The following SORBS2 variants were observed in gnomAD, a reference collection of about 807,000 sequenced individuals.
The protein encoded by SORBS2 is sorbin and SH3 domain-containing protein 2.
SORBS2 carries 46 observed loss-of-function variants against 97.7 expected under a neutral mutation model. That is an observed-to-expected ratio of 0.47 (90% CI 0.37 to 0.60). The LOEUF is 0.60. Among genes scored for constraint, SORBS2 ranks in the 20% least tolerant of loss-of-function variants. The probability of loss-of-function intolerance (pLI) is 0.00; values close to 1 mark genes in which losing one functional copy is unlikely to be tolerated. For synonymous variants in SORBS2, 476 were observed against 473.4 expected (o/e 1.01, Z -0.07); for missense variants, 1,316 against 1,282.3 (o/e 1.03, Z -0.40).
At chr4:185,893,500 T>A (rs1409289461) in intron 1 of SORBS2, among the ~76,000 whole-genome samples, 1 of 152,204 alleles carries the variant, frequency 6.6e-6, no homozygotes, top group Non-Finnish European at 1.5e-5. Context: ...AAATCTGGAA[T>A]AGATAGCGTA....
chr4:185,813,292 C>T (rs2153668424), intron 1 of SORBS2, among the ~76,000 whole-genome samples: 1 of 152,316 alleles, frequency 6.6e-6, no homozygotes, highest in African/African-American at 2.4e-5. Context: ...ACACTCCTGC[C>T]TTCAGTATTA....
chr4:185,662,177 C>A (rs115665597), exon 5 of SORBS2: 1 of 1,614,002 alleles, frequency 6.2e-7, no homozygotes, highest in Non-Finnish European at 8.5e-7. Flanking sequence ...AGGGGGAAAA[C>A]GGCCTCTGAT....
chr4:185,767,858 T>A (rs1041818275), intron 2 of SORBS2, among the ~76,000 whole-genome samples: 3 of 152,234 alleles, frequency 2.0e-5, no homozygotes, highest in African/African-American at 4.8e-5. Flanking sequence ...GTGAGACTTT[T>A]GTTCTCAATA....
chr4:185,780,039 G>T (rs2099020249), intron 1 of SORBS2, among the ~76,000 whole-genome samples: 1 of 130,590 alleles, frequency 7.7e-6, no homozygotes, highest in Admixed American at 9.7e-5. Context: ...TTTTGAGACG[G>T]AGTTTTGCTC....
At chr4:185,888,513 A>G (rs1040138005) in intron 1 of SORBS2, among the ~76,000 whole-genome samples, 1 of 152,112 alleles carries the variant, frequency 6.6e-6, no homozygotes, top group African/African-American at 2.4e-5. Flanking sequence ...GAATTTCTGG[A>G]CTCCAGAAAT....
At position 185,796,019 on chromosome 4, in the gene SORBS2, A is replaced by T. The variant is rs540519335; in HGVS notation, c.-337-20653T>A. On this transcript the variant is annotated intron_variant, in intron 1 of 20. Coordinates refer to the SORBS2 transcript ENST00000284776. ...CTGTCCTGTCTCAGCTGAGCCATTC[A>T]TCTTTTCTTCCTGGATTACTGTACT... 9.2e-5 allele frequency among the ~76,000 whole-genome samples: 14 copies of T among 152,264 alleles called. No homozygotes were observed. The South Asian group carries it at 2.5e-3, about 27-fold the overall frequency.
chr4:185,816,461 C>T (rs987925081), intron 1 of SORBS2, among the ~76,000 whole-genome samples: 3 of 152,156 alleles, frequency 2.0e-5, no homozygotes, highest in African/African-American at 7.2e-5. Flanking sequence ...TATTCCAAAA[C>T]CTTGCATATT....
chr4:185,644,442 A>C (rs1169625231), intron 4 of SORBS2, among the ~76,000 whole-genome samples: 2 of 152,192 alleles, frequency 1.3e-5, no homozygotes, highest in Non-Finnish European at 2.9e-5. Context: ...TTTATACTGC[A>C]AAATCATCAA....
At chr4:185,707,243 G>T (rs766442159) in intron 2 of SORBS2, among the ~76,000 whole-genome samples, 2 of 152,152 alleles carry the variant, frequency 1.3e-5, no homozygotes, top group Admixed American at 1.3e-4. Context: ...CACAGGGAAG[G>T]TACAAGGTCA....
chr4:185,876,740 A>T (rs2099233904), intron 1 of SORBS2, among the ~76,000 whole-genome samples: 1 of 152,210 alleles, frequency 6.6e-6, no homozygotes, highest in Non-Finnish European at 1.5e-5. Context: ...AGTAGAAAGT[A>T]GAGGTCTATC....
chr4:185,877,730 C>T (rs972097427), intron 1 of SORBS2, among the ~76,000 whole-genome samples: 3 of 151,528 alleles, frequency 2.0e-5, no homozygotes, highest in East Asian at 1.9e-4. Context: ...AATTAACCAG[C>T]GTGGTGGTGG....
At chr4:185,680,118 G>A (rs2153502750) in intron 2 of SORBS2, among the ~76,000 whole-genome samples, 1 of 152,302 alleles carries the variant, frequency 6.6e-6, no homozygotes, top group South Asian at 2.1e-4. Context: ...TTACTTTGAA[G>A]AATTATGCAT....
chr4:185,643,724 T>G (rs1413743264), intron 4 of SORBS2, among the ~76,000 whole-genome samples: 1 of 152,152 alleles, frequency 6.6e-6, no homozygotes, highest in Middle Eastern at 3.4e-3. Context: ...CATGTAGAGA[T>G]TCAAAAGAGC....
At chr4:185,639,018 A>G in intron 4 of SORBS2, 1 of 1,516,688 alleles carries the variant, frequency 6.6e-7, no homozygotes, top group Non-Finnish European at 8.8e-7. Flanking sequence ...CAGGTGTCGG[A>G]GTTGTTGGGA....
At chr4:185,814,761 G>A (rs893394106) in intron 1 of SORBS2, among the ~76,000 whole-genome samples, 18 of 152,266 alleles carry the variant, frequency 1.2e-4, no homozygotes, top group African/African-American at 3.6e-4. Flanking sequence ...TCTTTGCCCC[G>A]TGGCACGTCT....
At chr4:185,792,740 C>T (rs2099086612) in intron 1 of SORBS2, among the ~76,000 whole-genome samples, 1 of 152,002 alleles carries the variant, frequency 6.6e-6, no homozygotes, top group South Asian at 2.1e-4. Context: ...TAACGGTTTC[C>T]ATAGAGCCCA....
chr4:185,746,501 G>A (rs1385733868), intron 2 of SORBS2, among the ~76,000 whole-genome samples: 1 of 152,058 alleles, frequency 6.6e-6, no homozygotes, highest in Non-Finnish European at 1.5e-5. Context: ...ATTTTTAGTA[G>A]AGACAGAGTT....
intron 13 of SORBS2, among the ~76,000 whole-genome samples, chr4:185,590,599 A>C (rs961040468): frequency 1.3e-5 from 2 of 152,226 alleles, no homozygotes; most frequent in Non-Finnish European, 2.9e-5. Flanking sequence ...TATATAAAAA[A>C]GAATTATTGA....
intron 1 of SORBS2, among the ~76,000 whole-genome samples, chr4:185,940,441 C>T (rs1447863926): frequency 6.6e-6 from 1 of 152,184 alleles, no homozygotes; most frequent in Admixed American, 6.5e-5. Flanking sequence ...CCTGTTGCAG[C>T]TCACCACCTC....
Sources: allele counts gnomAD v4.1 joint callset (sites outside exome capture counted in the v4.1 genomes callset), GRCh38; gene constraint gnomAD v4.1.1; transcripts MANE v1.5; gene names NCBI Gene and HGNC (gene_info 2026-07-23, HGNC 2026-07-21).